Variants in RAP1GDS1 observed in about 807,000 individuals in gnomAD.
The protein encoded by RAP1GDS1 is Rap1 GTPase-GDP dissociation stimulator 1, also known as RAP1, GTP-GDP dissociation stimulator 1.
In RAP1GDS1, 35 loss-of-function variants were observed where a neutral mutation model predicts 71.1. The ratio of observed to expected loss-of-function variants is 0.49; its 90% confidence interval spans 0.38 to 0.65. The LOEUF (loss-of-function observed/expected upper bound fraction) is 0.65, where lower values mean the gene tolerates loss of function less well. RAP1GDS1 is among the 30% of genes least tolerant of loss of function. RAP1GDS1 has a pLI of 0.00. For missense variants in RAP1GDS1, 663 were observed against 706.1 expected, an observed-to-expected ratio of 0.94 and a Z score of 0.69; for synonymous variants, 229 against 243.1, an observed-to-expected ratio of 0.94 and a Z score of 0.54.
intron 4 of RAP1GDS1, among the ~76,000 whole-genome samples, chr4:98,354,354 G>A (rs1241932856): frequency 4.6e-5 from 7 of 152,154 alleles, no homozygotes; most frequent in South Asian, 2.1e-4. Context: ...GAGCCACCGC[G>A]CCCAGCCCAA....
At chr4:98,412,269 T>G (rs543482800) in intron 7 of RAP1GDS1, among the ~76,000 whole-genome samples, 60 of 152,264 alleles carry the variant, frequency 3.9e-4, no homozygotes, top group African/African-American at 1.4e-3. Flanking sequence ...TCCTAGCACT[T>G]TGGGAGGCCA....
At chr4:98,319,937 A>G (rs1731543890) in intron 2 of RAP1GDS1, among the ~76,000 whole-genome samples, 1 of 152,126 alleles carries the variant, frequency 6.6e-6, no homozygotes, top group Admixed American at 6.6e-5. Context: ...CGGCAAGACC[A>G]AACCCTCCTC....
intron 4 of RAP1GDS1, among the ~76,000 whole-genome samples, chr4:98,357,822 C>T (rs534248287): frequency 3.6e-4 from 55 of 152,024 alleles, no homozygotes; most frequent in Non-Finnish European, 6.3e-4. Flanking sequence ...TCCAGCTCCA[C>T]CATTCACTAA....
chr4:98,301,156 T>C (rs1728531483), intron 2 of RAP1GDS1, among the ~76,000 whole-genome samples: 1 of 152,228 alleles, frequency 6.6e-6, no homozygotes, highest in South Asian at 2.1e-4. Context: ...AAGTGATGTA[T>C]TTCTTTTGCG....
chr4:98,366,068 A>G (rs1739445414), intron 4 of RAP1GDS1, among the ~76,000 whole-genome samples: 1 of 152,210 alleles, frequency 6.6e-6, no homozygotes, highest in Non-Finnish European at 1.5e-5. Flanking sequence ...TTTCAACATA[A>G]TATGGGTGAG....
At chr4:98,309,688 T>A (rs74684888) in intron 2 of RAP1GDS1, among the ~76,000 whole-genome samples, 2 of 151,930 alleles carry the variant, frequency 1.3e-5, no homozygotes, top group Non-Finnish European at 2.9e-5. Context: ...GAAATATATC[T>A]TCTTAATTGA....
intron 2 of RAP1GDS1, among the ~76,000 whole-genome samples, chr4:98,300,175 C>T (rs777211891): frequency 5.9e-5 from 9 of 152,098 alleles, no homozygotes; most frequent in Non-Finnish European, 1.2e-4. Flanking sequence ...GTTGACATAG[C>T]CACCTAACCT....
intron 2 of RAP1GDS1, among the ~76,000 whole-genome samples, chr4:98,323,883 C>T (rs1471338734): frequency 1.4e-5 from 2 of 143,462 alleles, no homozygotes; most frequent in African/African-American, 5.1e-5. Context: ...TGCCCTCTCT[C>T]ACCACTCCTA....
intron 7 of RAP1GDS1, among the ~76,000 whole-genome samples, chr4:98,407,576 A>T (rs1431278975): frequency 6.6e-6 from 1 of 152,154 alleles, no homozygotes; most frequent in Admixed American, 6.5e-5. Flanking sequence ...ATTAATTCTA[A>T]GTGAAGTAAC....
chr4:98,392,286 T>A, intron 6 of RAP1GDS1: 1 of 399,744 alleles, frequency 2.5e-6, no homozygotes, highest in Admixed American at 4.5e-5. Flanking sequence ...TTTATTTCCC[T>A]AATAATTAAT....
At chr4:98,422,641 A>T (rs1169782520) in intron 12 of RAP1GDS1, among the ~76,000 whole-genome samples, 1 of 152,236 alleles carries the variant, frequency 6.6e-6, no homozygotes, top group Non-Finnish European at 1.5e-5. Flanking sequence ...TTTAGAACAG[A>T]TAAGAAGAAG....
intron 1 of RAP1GDS1, among the ~76,000 whole-genome samples, chr4:98,271,226 A>G (rs893289880): frequency 6.6e-6 from 1 of 152,130 alleles, no homozygotes; most frequent in African/African-American, 2.4e-5. Context: ...ACTGAAATAT[A>G]TTTATTAATA....
chr4:98,273,212 C>T (rs1035237330), intron 1 of RAP1GDS1, among the ~76,000 whole-genome samples: 6 of 152,146 alleles, frequency 3.9e-5, no homozygotes, highest in African/African-American at 1.4e-4. Context: ...GTCTCCGCTG[C>T]TTTACGACCC....
chr4:98,346,823 C>T (rs147353475), intron 3 of RAP1GDS1, among the ~76,000 whole-genome samples: 3,550 of 152,224 alleles, frequency 0.023, 129 homozygotes, highest in African/African-American at 0.075. Flanking sequence ...GGATTACAGG[C>T]GTGAGCCACT....
intron 2 of RAP1GDS1, among the ~76,000 whole-genome samples, chr4:98,323,671 C>A (rs1227621044): frequency 3.6e-4 from 48 of 133,016 alleles, no homozygotes; most frequent in African/African-American, 1.3e-3. Context: ...AAGACAAAAA[C>A]CACATGATTA....
At chr4:98,354,089 T>C (rs2110425791) in intron 4 of RAP1GDS1, among the ~76,000 whole-genome samples, 1 of 148,274 alleles carries the variant, frequency 6.7e-6, no homozygotes, top group East Asian at 2.0e-4. Context: ...GGAGTCTCGC[T>C]CTGTCGCCCA....
Position 98,443,580 on chromosome 4 carries a change from T to C in RAP1GDS1, c.*1463T>C. On this transcript the variant is annotated 3_prime_UTR_variant, in exon 15 of 15. Coordinates refer to ENST00000408927, the MANE Select transcript of RAP1GDS1 (RefSeq NM_001100427.2). ...TCCAACATGTGATGCTACACATCTC[T>C]GTGGATAATCTAAGTTGGACTTTTG... 4.5e-6 allele frequency: 1 copy of C among 222,264 alleles called. No individual in the cohort carries two copies. The highest frequency in any genetic ancestry group is 6.6e-5 in the East Asian group (1 of 15,218). 13.8% of individuals were successfully genotyped at this position (222,264 alleles called of 1,614,324 possible).
chr4:98,318,430 ATAT>A (rs1731265695), intron 2 of RAP1GDS1, among the ~76,000 whole-genome samples: 3 of 152,324 alleles, frequency 2.0e-5, no homozygotes, highest in Admixed American at 1.3e-4. Context: ...TAATGATAAA[ATAT>A]TATTAGAACA....
At chr4:98,279,788 G>T (rs1436016034) in intron 1 of RAP1GDS1, among the ~76,000 whole-genome samples, 2 of 152,070 alleles carry the variant, frequency 1.3e-5, no homozygotes, top group Non-Finnish European at 2.9e-5. Context: ...GCCCCCGTGT[G>T]TGATGTTCCC....
Sources: allele counts gnomAD v4.1 joint callset (sites outside exome capture counted in the v4.1 genomes callset), GRCh38; gene constraint gnomAD v4.1.1; transcripts MANE v1.5; gene names NCBI Gene and HGNC (gene_info 2026-07-23, HGNC 2026-07-21).